Variants in KCNN3 observed in about 807,000 individuals in gnomAD.
KCNN3 encodes potassium calcium-activated channel subfamily N member 3, also known as small conductance calcium-activated potassium channel protein 3.
In KCNN3, 16 loss-of-function variants were observed where a neutral mutation model predicts 62.9. The observed-to-expected ratio is 0.25, with a 90% CI of 0.17 to 0.39. KCNN3 has a LOEUF of 0.39. Ranked by LOEUF, KCNN3 falls within the 10% of genes least tolerant of loss-of-function variation. The pLI, the probability that KCNN3 is intolerant of heterozygous loss-of-function variation, is 1.00. For synonymous variants in KCNN3, 370 were observed against 389.2 expected (o/e 0.95, Z 0.58); for missense variants, 599 against 949.4 (o/e 0.63, Z 4.85).
chr1:154,763,189 T>G (rs989804668), intron 3 of KCNN3, among the ~76,000 whole-genome samples: 3 of 152,222 alleles, frequency 2.0e-5, no homozygotes, highest in African/African-American at 7.2e-5. Context: ...ATTTTGTGTT[T>G]TCTTTTTTCT....
At position 154,820,949 on chromosome 1, in the gene KCNN3, C is replaced by T. The variant is rs541678739; in HGVS notation, c.1029+1140G>A. ...AGGAGGAGGCACTCCCACCTGCGTC[C>T]GCACTGCTGCTCCACCCTGAAAATG... On this transcript the variant is annotated intron_variant, in intron 2 of 7. Coordinates refer to ENST00000271915, the MANE Select transcript of KCNN3 (RefSeq NM_002249.6). 2.0e-4 allele frequency among the ~76,000 whole-genome samples: 31 copies of T among 152,350 alleles called. No homozygotes were observed. The East Asian group carries it at 2.1e-3, about 10-fold the overall frequency.
At chr1:154,755,774 AGG>A (rs1647642333) in intron 3 of KCNN3, among the ~76,000 whole-genome samples, 2 of 29,396 alleles carry the variant, frequency 6.8e-5, no homozygotes, top group Non-Finnish European at 1.2e-4. Context: ...GAGGTGGAGG[AGG>A]AGAGAGAGAG....
intron 1 of KCNN3, among the ~76,000 whole-genome samples, chr1:154,863,002 G>T (rs1652824051): frequency 6.6e-6 from 1 of 152,154 alleles, no homozygotes; most frequent in Non-Finnish European, 1.5e-5. Context: ...CATCTACACA[G>T]GGGGCGGTGA....
At chr1:154,745,311 C>A (rs1700915411) in intron 3 of KCNN3, among the ~76,000 whole-genome samples, 1 of 152,244 alleles carries the variant, frequency 6.6e-6, no homozygotes, top group East Asian at 1.9e-4. Flanking sequence ...ATGGCTCCAA[C>A]AAACAAATGC....
chr1:154,809,815 C>T lies in KCNN3; in HGVS notation c.1029+12274G>A, dbSNP rs1215139883. ...GAGGGTGGGGAGCTGCTTAGCAGCTCATGAGAAGACAGAGGGGTTTTAGTA... is the reference window on the plus strand; with the variant it reads ...GAGGGTGGGGAGCTGCTTAGCAGCTTATGAGAAGACAGAGGGGTTTTAGTA... On this transcript the variant is annotated intron_variant, in intron 2 of 7. Transcript: ENST00000271915. The surrounding 1 kb of genome is among the most constrained non-coding windows in gnomAD (Gnocchi z 4.3). Among the ~76,000 whole-genome samples the T allele has an allele frequency of 6.6e-6, 1 of 152,166 alleles. No homozygotes were observed. Among genetic ancestry groups the T allele is most frequent in the Non-Finnish European group, 1.5e-5 (1 of 68,022 alleles).
At chr1:154,711,970 GAGAGAGACAGGGAGACGGAGAGGA>G (rs1370054819) in intron 7 of KCNN3, among the ~76,000 whole-genome samples, 21 of 151,046 alleles carry the variant, frequency 1.4e-4, no homozygotes, top group South Asian at 4.2e-4. Context: ...GGGAGAGGAA[GAGAGAGACAGGGAGACGGAGAGGA>G]AGAGAGACAG....
intron 2 of KCNN3, among the ~76,000 whole-genome samples, chr1:154,815,416 C>T (rs1007244808): frequency 2.6e-5 from 4 of 152,176 alleles, no homozygotes; most frequent in African/African-American, 9.7e-5. Context: ...ACAGCATCAT[C>T]TCCGCGTGAA....
intron 1 of KCNN3, among the ~76,000 whole-genome samples, chr1:154,860,141 C>G (rs1246930507): frequency 6.6e-6 from 1 of 152,222 alleles, no homozygotes; most frequent in Admixed American, 6.5e-5. Context: ...AGCCCTGGTG[C>G]TCCAAGCAGG....
At chr1:154,827,994 G>T (rs1190132368) in intron 1 of KCNN3, among the ~76,000 whole-genome samples, 1 of 152,046 alleles carries the variant, frequency 6.6e-6, no homozygotes, top group Non-Finnish European at 1.5e-5. Context: ...TCCAACCTGA[G>T]ACCGGGAGAG....
intron 1 of KCNN3, among the ~76,000 whole-genome samples, chr1:154,856,567 C>G (rs1337045918): frequency 1.3e-5 from 2 of 152,188 alleles, no homozygotes; most frequent in Admixed American, 6.5e-5. Context: ...TGCCCCACAC[C>G]TAGCCTAGGA....
intron 2 of KCNN3, among the ~76,000 whole-genome samples, chr1:154,801,179 T>C (rs1328599897): frequency 6.6e-6 from 1 of 152,088 alleles, no homozygotes; most frequent in East Asian, 1.9e-4. Flanking sequence ...CCGTTCAATT[T>C]TACCTGGAAA....
At chr1:154,788,409 TAAAGA>T (rs919486485) in intron 2 of KCNN3, among the ~76,000 whole-genome samples, 10 of 152,246 alleles carry the variant, frequency 6.6e-5, no homozygotes, top group Non-Finnish European at 1.2e-4. Flanking sequence ...CTGAGACTTC[TAAAGA>T]AAAGAAAACA....
chr1:154,846,426 C>G (rs1216427325), intron 1 of KCNN3, among the ~76,000 whole-genome samples: 1 of 152,216 alleles, frequency 6.6e-6, no homozygotes, highest in Admixed American at 6.5e-5. Flanking sequence ...GATTAGGCAG[C>G]AGCATACTGA....
chr1:154,721,765 G>C (rs945489603), intron 5 of KCNN3, among the ~76,000 whole-genome samples: 31 of 151,868 alleles, frequency 2.0e-4, no homozygotes, highest in African/African-American at 7.0e-4. Flanking sequence ...ACATAAAACA[G>C]AAAGATGGGG....
intron 2 of KCNN3, among the ~76,000 whole-genome samples, chr1:154,788,263 G>A (rs868756152): frequency 2.0e-5 from 3 of 152,316 alleles, no homozygotes; most frequent in South Asian, 2.1e-4. Context: ...AGCAGGCACA[G>A]GTATACAGGC....
At chr1:154,719,651 A>C (rs1450609487) in intron 5 of KCNN3, among the ~76,000 whole-genome samples, 1 of 152,158 alleles carries the variant, frequency 6.6e-6, no homozygotes, top group South Asian at 2.1e-4. Flanking sequence ...GAGAACCTGC[A>C]AGCCAGCCCT....
chr1:154,829,194 G>A (rs75924941), intron 1 of KCNN3, among the ~76,000 whole-genome samples: 2,766 of 152,362 alleles, frequency 0.018, 37 homozygotes, highest in Middle Eastern at 0.031. Flanking sequence ...AGAAGAGATG[G>A]GCCAAGGGTC....
Position 154,700,157 on chromosome 1 carries a change from T to C in KCNN3, c.*7819A>G, listed in dbSNP as rs1329936795. The C allele has an allele frequency of 1.3e-5, 2 of 152,224 alleles. No homozygotes were observed. Among genetic ancestry groups the C allele is most frequent in the East Asian group, 3.8e-4 (2 of 5,202 alleles). The allele number at this position is 152,224 out of a possible 1,614,324, so 9.4% of individuals were successfully genotyped here. ...CTCTAATTATTAACGAGGTTAGTTA[T>C]CACTACGGTGAGGTGAGGCCAGTGC... On this transcript the variant is annotated 3_prime_UTR_variant, in exon 8 of 8. Coordinates refer to ENST00000271915, the MANE Select transcript of KCNN3 (RefSeq NM_002249.6).
Position 154,707,496 on chromosome 1 carries a change from T to A in KCNN3, c.*480A>T, listed in dbSNP as rs528130639. 1 of 153,004 alleles carries A rather than the reference T, an allele frequency of 6.5e-6. No individual in the cohort carries two copies. Among genetic ancestry groups the A allele is most frequent in the East Asian group, 1.9e-4 (1 of 5,194 alleles). 9.5% of individuals were successfully genotyped at this position (153,004 alleles called of 1,614,324 possible). On this transcript the variant is annotated 3_prime_UTR_variant, in exon 8 of 8. Transcript: ENST00000271915. ...AGTTGTGGGCAGCTCTCTTTTACTT[T>A]TGTCACCCAGAGGCTTCCGTAGACA...
Sources: gnomAD v4.1 joint callset for allele counts (sites outside exome capture counted in the v4.1 genomes callset) on GRCh38, gnomAD v4.1.1 for gene constraint, Gnocchi (gnomAD v3.1) non-coding constraint, MANE v1.5 for transcripts, NCBI Gene and HGNC (gene_info 2026-07-23, HGNC 2026-07-21) for gene names.